Variants in CELF2 observed in about 807,000 individuals in gnomAD.
The protein encoded by CELF2 is CUG triplet repeat RNA-binding protein 2.
CELF2 carries 8 observed loss-of-function variants against 62.6 expected under a neutral mutation model. That is an observed-to-expected ratio of 0.13 (90% CI 0.07 to 0.23). The LOEUF is 0.23. Among genes scored for constraint, CELF2 ranks in the 10% least tolerant of loss-of-function variants. The probability of loss-of-function intolerance (pLI) is 1.00; values close to 1 mark genes in which losing one functional copy is unlikely to be tolerated. For synonymous variants in CELF2, 258 were observed against 250.0 expected (o/e 1.03, Z -0.30); for missense variants, 333 against 671.0 (o/e 0.50, Z 5.56).
At chr10:10,855,998 A>G (rs1224944401) in intron 1 of CELF2, among the ~76,000 whole-genome samples, 1 of 152,200 alleles carries the variant, frequency 6.6e-6, no homozygotes, top group South Asian at 2.1e-4. Flanking sequence ...AAGATCTAGG[A>G]AAGGTATTTG....
At chr10:10,888,811 T>C (rs868813538) in intron 1 of CELF2, among the ~76,000 whole-genome samples, 3 of 152,258 alleles carry the variant, frequency 2.0e-5, no homozygotes, top group Non-Finnish European at 4.4e-5. Context: ...ACTTCTTTTC[T>C]GAAACCTTTC....
At chr10:11,015,540 C>T (rs560602719), upstream of CELF2, among the ~76,000 whole-genome samples, 3 of 152,336 alleles carry the variant, frequency 2.0e-5, no homozygotes, top group South Asian at 6.2e-4. The surrounding 1 kb of genome is among the most constrained non-coding windows in gnomAD (Gnocchi z 4.8). Flanking sequence ...AAGCTCTCCT[C>T]GGTTCACATC....
intron 2 of CELF2, chr10:10,927,346 T>TAAAAAAAAAAAACAA (rs2065587631): frequency 1.2e-5 from 1 of 85,864 alleles, no homozygotes; most frequent in African/African-American, 5.7e-5. Context: ...CTAGTGACAT[T>TAAAAAAAAAAAACAA]AAAAAAAAAA....
chr10:11,116,943 A>G (rs919377654), intron 1 of CELF2, among the ~76,000 whole-genome samples: 2 of 152,248 alleles, frequency 1.3e-5, no homozygotes, highest in African/African-American at 2.4e-5. Context: ...CATGACAGTC[A>G]TATGATTTAA....
intron 1 of CELF2, among the ~76,000 whole-genome samples, chr10:11,054,966 C>T (rs1472203173): frequency 6.6e-6 from 1 of 152,230 alleles, no homozygotes; most frequent in Non-Finnish European, 1.5e-5. Flanking sequence ...CCACCTGCCT[C>T]GGCCCCCTGG....
intron 2 of CELF2, among the ~76,000 whole-genome samples, chr10:10,964,768 A>G (rs77552631): frequency 0.014 from 2,107 of 151,928 alleles, 59 homozygotes; most frequent in African/African-American, 0.049. Context: ...ATGCAGAAGC[A>G]GCGCAGCTCT....
chr10:10,935,399 C>A (rs1022831388), intron 2 of CELF2: 1 of 152,088 alleles, frequency 6.6e-6, no homozygotes, highest in African/African-American at 2.4e-5. Context: ...CCTAAGTGTC[C>A]TAAATTAAAA....
chr10:10,564,873 A>G, the CELF2 span, among the ~76,000 whole-genome samples: 3 of 152,148 alleles, frequency 2.0e-5, no homozygotes, highest in East Asian at 5.8e-4. Context: ...ATACACAAAT[A>G]AAAAGGCTCC....
chr10:10,524,360 C>T, the CELF2 span, among the ~76,000 whole-genome samples: 2 of 150,352 alleles, frequency 1.3e-5, no homozygotes, highest in South Asian at 2.1e-4. Flanking sequence ...ATACATTTTG[C>T]AGAAGAATCT....
At chr10:11,131,171 C>T (rs906080340) in intron 1 of CELF2, among the ~76,000 whole-genome samples, 3 of 152,120 alleles carry the variant, frequency 2.0e-5, no homozygotes, top group Non-Finnish European at 2.9e-5. Flanking sequence ...TTGAATTGGG[C>T]GTGATATCGA....
the CELF2 span, among the ~76,000 whole-genome samples, chr10:10,505,329 G>A: frequency 6.6e-6 from 1 of 151,984 alleles, no homozygotes; most frequent in East Asian, 1.9e-4. Context: ...CTACAGGGTT[G>A]GGATATGCTT....
chr10:10,750,752 A>C, the CELF2 span, among the ~76,000 whole-genome samples: 1 of 152,256 alleles, frequency 6.6e-6, no homozygotes, highest in Non-Finnish European at 1.5e-5. Flanking sequence ...CCTGGTGATA[A>C]GGTGGAAGAA....
chr10:11,056,385 C>T (rs138619839), intron 1 of CELF2, among the ~76,000 whole-genome samples: 2 of 152,348 alleles, frequency 1.3e-5, no homozygotes, highest in African/African-American at 4.8e-5. Context: ...TAATAGCTTG[C>T]TCTGTAGTTG....
chr10:10,959,392 A>G (rs1345572465), intron 2 of CELF2, among the ~76,000 whole-genome samples: 1 of 152,218 alleles, frequency 6.6e-6, no homozygotes, highest in African/African-American at 2.4e-5. Flanking sequence ...ATGAGCCACT[A>G]GTTTCTATAT....
intron 2 of CELF2, among the ~76,000 whole-genome samples, chr10:11,180,134 G>A (rs572484610): frequency 4.6e-5 from 7 of 152,104 alleles, no homozygotes; most frequent in East Asian, 3.9e-4. Flanking sequence ...CTCCATACCC[G>A]TCTGAGCCAT....
chr10:10,978,099 C>A (rs1054367576), intron 2 of CELF2, among the ~76,000 whole-genome samples: 4 of 144,646 alleles, frequency 2.8e-5, no homozygotes, highest in African/African-American at 1.0e-4. Flanking sequence ...AGAAGTTGGT[C>A]ACAGATTTAC....
the CELF2 span, among the ~76,000 whole-genome samples, chr10:10,468,562 A>C: frequency 6.6e-6 from 1 of 151,960 alleles, no homozygotes; most frequent in South Asian, 2.1e-4. Context: ...AGTTTGCTCA[A>C]CTTTAATTTC....
At chr10:10,505,650 G>A in the CELF2 span, among the ~76,000 whole-genome samples, 2 of 152,158 alleles carry the variant, frequency 1.3e-5, no homozygotes, top group Non-Finnish European at 2.9e-5. Context: ...ACAGCTTGGT[G>A]AGGGTAAAAT....
intron 1 of CELF2, among the ~76,000 whole-genome samples, chr10:10,857,985 A>G (rs2059844424): frequency 6.6e-6 from 1 of 151,998 alleles, no homozygotes; most frequent in African/African-American, 2.4e-5. Flanking sequence ...CAGAGTGACT[A>G]TCAATGAATA....
Sources: allele counts gnomAD v4.1 joint callset (sites outside exome capture counted in the v4.1 genomes callset), GRCh38; gene constraint gnomAD v4.1.1; non-coding constraint Gnocchi (gnomAD v3.1); transcripts MANE v1.5; gene names NCBI Gene and HGNC (gene_info 2026-07-23, HGNC 2026-07-21).